Variants in NRSN1 observed in about 807,000 individuals in gnomAD.
The protein encoded by NRSN1 is neurensin 1.
Under a neutral mutation model 17.3 loss-of-function variants are expected in NRSN1, and 14 were observed. That is an observed-to-expected ratio of 0.81 (90% CI 0.54 to 1.27). The LOEUF is 1.27. Among genes scored for constraint, NRSN1 ranks in the 50% most tolerant of loss-of-function variants. NRSN1 has a pLI of 0.00. For missense variants in NRSN1, 209 were observed against 235.9 expected, an observed-to-expected ratio of 0.89 and a Z score of 0.75; for synonymous variants, 79 against 94.2, an observed-to-expected ratio of 0.84 and a Z score of 0.93.
At position 24,142,212 on chromosome 6, in the gene NRSN1, T is replaced by TTTTTTTTTTTTTTTTTTTTTTTTTTTC. The variant is rs1484150562; in HGVS notation, c.190-3334_190-3333insTTTTTTTTTTTTTTTTTTTTTTTTCTT. Among the ~76,000 whole-genome samples the TTTTTTTTTTTTTTTTTTTTTTTTTTTC allele has an allele frequency of 9.7e-5, 13 of 134,512 alleles. 1 individual carries two copies. Among genetic ancestry groups the TTTTTTTTTTTTTTTTTTTTTTTTTTTC allele is most frequent in the Non-Finnish European group, 1.8e-4 (11 of 60,548 alleles). The allele number at this position is 134,512 out of a possible 152,430, so 88.2% of individuals were successfully genotyped here. A position where few individuals can be genotyped will look rare whatever the true frequency, so the allele number is the denominator to read the frequency against. On this transcript the variant is annotated intron_variant, in intron 3 of 3. Coordinates refer to ENST00000378491, the MANE Select transcript of NRSN1 (RefSeq NM_080723.5). ...ACAGCTTTTTTTTTTTTTTTTTTTT[T>TTTTTTTTTTTTTTTTTTTTTTTTTTTC]TTCAGAAGACATCCTATTGACTCTT...
intron 3 of NRSN1, among the ~76,000 whole-genome samples, chr6:24,139,709 C>T (rs1485270774): frequency 6.6e-6 from 1 of 152,144 alleles, no homozygotes. Context: ...GAAACTGTAG[C>T]TTCCAATTAA....
rs1760321464 is a variant in NRSN1 at position 24,147,230 on chromosome 6, T to A, written c.*1284T>A. 6.6e-6 allele frequency: 1 copy of A among 152,238 alleles called. No homozygotes were observed. Among genetic ancestry groups the A allele is most frequent in the Admixed American group, 6.5e-5 (1 of 15,280 alleles). The allele number at this position is 152,238 out of a possible 1,614,324, so 9.4% of individuals were successfully genotyped here. A position where few individuals can be genotyped will look rare whatever the true frequency, so the allele number is the denominator to read the frequency against. On this transcript the variant is annotated 3_prime_UTR_variant, in exon 4 of 4. Coordinates refer to ENST00000378491, the MANE Select transcript of NRSN1 (RefSeq NM_080723.5). Reference sequence around the variant, plus strand: ...AAAGGGTTTTCATTCTCAAACAAGATGCTTTGTTCTCCAACAAGATGTTCA... The same window carrying A: ...AAAGGGTTTTCATTCTCAAACAAGAAGCTTTGTTCTCCAACAAGATGTTCA...
intron 3 of NRSN1, among the ~76,000 whole-genome samples, chr6:24,135,019 G>T (rs538145638): frequency 1.6e-3 from 241 of 152,282 alleles, no homozygotes; most frequent in African/African-American, 5.4e-3. Context: ...TCAAATGAAG[G>T]AATCTCATTA....
rs571742395 is a variant in NRSN1 at position 24,145,369 on chromosome 6, A to G, written c.190-179A>G. On this transcript the variant is annotated intron_variant, in intron 3 of 3. Coordinates refer to ENST00000378491, the MANE Select transcript of NRSN1 (RefSeq NM_080723.5). The surrounding 1 kb of genome is among the most constrained non-coding windows in gnomAD (Gnocchi z 4.4). ...GGAGTTTTTGGTTGGCATTAAAATT[A>G]GAAAGATCATCTTTCACCTTTTTCA... Among the ~76,000 whole-genome samples, 1 of 151,190 alleles carries G rather than the reference A, an allele frequency of 6.6e-6. No individual in the cohort carries two copies. The highest frequency in any genetic ancestry group is 1.9e-4 in the East Asian group (1 of 5,176).
intron 2 of NRSN1, among the ~76,000 whole-genome samples, chr6:24,132,694 T>C (rs997265467): frequency 6.6e-6 from 1 of 152,246 alleles, no homozygotes; most frequent in African/African-American, 2.4e-5. Context: ...TTTAATATTA[T>C]ACTTTAAGTT....
In NRSN1 at chr6:24,146,263, C is replaced by G. The variant is rs1244241261; in HGVS notation, c.*317C>G. ...TTCCGTGTTGTTTGAAAGTGCCGAA[C>G]AGTTTAGACCAGCTCACCAATGGCT... On this transcript the variant is annotated 3_prime_UTR_variant, in exon 4 of 4. Coordinates refer to ENST00000378491, the MANE Select transcript of NRSN1 (RefSeq NM_080723.5). 1.7e-6 allele frequency: 1 copy of G among 580,858 alleles called. No homozygotes were observed. Among genetic ancestry groups the G allele is most frequent in the Non-Finnish European group, 3.3e-6 (1 of 298,876 alleles). 36.0% of individuals were successfully genotyped at this position (580,858 alleles called of 1,614,324 possible). A position where few individuals can be genotyped will look rare whatever the true frequency, so the allele number is the denominator to read the frequency against.
intron 3 of NRSN1, chr6:24,140,820 G>T: frequency 7.9e-7 from 1 of 1,258,470 alleles, no homozygotes; most frequent in Non-Finnish European, 1.0e-6. Flanking sequence ...ACAATGAAAG[G>T]ATGTTGGTCA....
intron 1 of NRSN1, among the ~76,000 whole-genome samples, chr6:24,127,873 A>T (rs1221155807): frequency 6.6e-6 from 1 of 151,872 alleles, no homozygotes; most frequent in African/African-American, 2.4e-5. Flanking sequence ...TAGCACATAT[A>T]TAGTGTGTTA....
chr6:24,138,552 G>C (rs768894405), intron 3 of NRSN1, among the ~76,000 whole-genome samples: 4 of 152,090 alleles, frequency 2.6e-5, no homozygotes, highest in Non-Finnish European at 5.9e-5. Context: ...TCAGAAACCT[G>C]TACCAGCCTA....
intron 2 of NRSN1, among the ~76,000 whole-genome samples, chr6:24,131,911 T>C (rs140235512): frequency 6.6e-6 from 1 of 152,308 alleles, no homozygotes; most frequent in Non-Finnish European, 1.5e-5. Context: ...ATCATATCTT[T>C]CTAAATGTTT....
intron 3 of NRSN1, among the ~76,000 whole-genome samples, chr6:24,136,318 G>A (rs1426794539): frequency 2.0e-5 from 3 of 152,200 alleles, no homozygotes; most frequent in Non-Finnish European, 4.4e-5. Context: ...AATAAATCAA[G>A]TATTAAGTAA....
At chr6:24,139,030 C>A (rs781051845) in intron 3 of NRSN1, among the ~76,000 whole-genome samples, 62 of 152,142 alleles carry the variant, frequency 4.1e-4, no homozygotes, top group Non-Finnish European at 7.2e-4. Flanking sequence ...GTCTTATGGA[C>A]TATAGTCACC....
At position 24,145,013 on chromosome 6, in the gene NRSN1, A is replaced by G. The variant is rs2113718800; in HGVS notation, c.190-535A>G. Among the ~76,000 whole-genome samples, 1 of 146,424 alleles carries G rather than the reference A, an allele frequency of 6.8e-6. No individual in the cohort carries two copies. The highest frequency in any genetic ancestry group is 2.5e-5 in the African/African-American group (1 of 40,296). On this transcript the variant is annotated intron_variant, in intron 3 of 3. Coordinates refer to ENST00000378491, the MANE Select transcript of NRSN1 (RefSeq NM_080723.5). This position sits in a 1 kb window ranked among gnomAD's most constrained non-coding sequence, Gnocchi z 4.4. ...AAGATATTTATATATATATTTACAT[A>G]TTACATATCTACTTTTAGATATATG...
At chr6:24,138,381 CAT>C (rs1760148968) in intron 3 of NRSN1, among the ~76,000 whole-genome samples, 1 of 152,062 alleles carries the variant, frequency 6.6e-6, no homozygotes, top group Admixed American at 6.5e-5. Context: ...AATTTTTTTT[CAT>C]ATCTTTGCCT....
chr6:24,146,233 T>A lies in NRSN1; in HGVS notation c.*287T>A. ...CTCTTTCATAGATCGTGACTTTGTG[T>A]TATTTTCCGTGTTGTTTGAAAGTGC... On this transcript the variant is annotated 3_prime_UTR_variant, in exon 4 of 4. Transcript: ENST00000378491. 1 of 636,692 alleles carries A rather than the reference T, an allele frequency of 1.6e-6. No homozygotes were observed. Among genetic ancestry groups the A allele is most frequent in the Non-Finnish European group, 3.0e-6 (1 of 334,536 alleles). 39.4% of individuals were successfully genotyped at this position (636,692 alleles called of 1,614,324 possible). A position where few individuals can be genotyped will look rare whatever the true frequency, so the allele number is the denominator to read the frequency against.
chr6:24,128,751 C>A (rs987175491), intron 2 of NRSN1: 1 of 152,126 alleles, frequency 6.6e-6, no homozygotes, highest in African/African-American at 2.4e-5. Context: ...ATAATGGGAA[C>A]CTCAGTCTCA....
intron 2 of NRSN1, chr6:24,129,455 G>A (rs891919166): frequency 3.9e-5 from 6 of 152,196 alleles, no homozygotes; most frequent in African/African-American, 1.4e-4. Flanking sequence ...TACAGAAAAT[G>A]TCCCTGCCCA....
intron 3 of NRSN1, among the ~76,000 whole-genome samples, chr6:24,138,786 G>A (rs1038736383): frequency 2.0e-5 from 3 of 152,118 alleles, no homozygotes; most frequent in Non-Finnish European, 4.4e-5. Flanking sequence ...TCAAAGTTTT[G>A]CTAGATACTG....
intron 2 of NRSN1, among the ~76,000 whole-genome samples, chr6:24,130,274 C>T (rs1760008239): frequency 6.6e-6 from 1 of 152,166 alleles, no homozygotes; most frequent in African/African-American, 2.4e-5. Flanking sequence ...CTGTTTCTGT[C>T]TCAATTCTAG....
Sources: gnomAD v4.1 joint callset for allele counts (sites outside exome capture counted in the v4.1 genomes callset) on GRCh38, gnomAD v4.1.1 for gene constraint, Gnocchi (gnomAD v3.1) non-coding constraint, MANE v1.5 for transcripts, NCBI Gene and HGNC (gene_info 2026-07-23, HGNC 2026-07-21) for gene names.